The following NOP9 variants were observed in gnomAD, a reference collection of about 807,000 sequenced individuals.
NOP9 encodes the protein NOP9 nucleolar protein.
In NOP9, 50 loss-of-function variants were observed where a neutral mutation model predicts 63.0. The ratio of observed to expected loss-of-function variants is 0.79; its 90% confidence interval spans 0.63 to 1.00. NOP9 has a LOEUF of 1.00. Among genes scored for constraint, NOP9 ranks in the 50% least tolerant of loss-of-function variants. The pLI is 0.00. For synonymous variants in NOP9, 343 were observed against 332.8 expected (o/e 1.03, Z -0.33); for missense variants, 758 against 803.0 (o/e 0.94, Z 0.68).
At chr14:24,282,733 C>T in the NOP9 span, among the ~76,000 whole-genome samples, 1 of 152,188 alleles carries the variant, frequency 6.6e-6, no homozygotes, top group African/African-American at 2.4e-5. Context: ...TCCCAGCATT[C>T]CTCATGGGCT....
the NOP9 span, among the ~76,000 whole-genome samples, chr14:24,274,903 C>T: frequency 1.9e-3 from 225 of 118,834 alleles, no homozygotes; most frequent in African/African-American, 6.3e-3. Context: ...CCACCATGTC[C>T]GGCTTTTTTT....
the NOP9 span, among the ~76,000 whole-genome samples, chr14:24,284,769 G>A: frequency 6.6e-6 from 1 of 152,182 alleles, no homozygotes; most frequent in Admixed American, 6.5e-5. Context: ...GGTCGTGGGT[G>A]GGTAGGAGCC....
At chr14:24,303,485 T>C (rs1048965711) in intron 6 of NOP9, among the ~76,000 whole-genome samples, 6 of 151,832 alleles carry the variant, frequency 4.0e-5, no homozygotes, top group South Asian at 2.1e-4. Flanking sequence ...AGGCCAAATG[T>C]TATTTCACAG....
At chr14:24,299,706 G>A, upstream of NOP9, 1 of 470,474 alleles carries the variant, frequency 2.1e-6, no homozygotes, top group East Asian at 3.3e-5. Flanking sequence ...TAGGACCCGG[G>A]GCGATTCTGT....
In NOP9 at chr14:24,307,313, T is replaced by C; in HGVS notation, c.*2218T>C. On this transcript the variant is annotated 3_prime_UTR_variant, in exon 10 of 10. Coordinates refer to ENST00000267425, the MANE Select transcript of NOP9 (RefSeq NM_174913.3). ...CTGCTCCATCATCACAAGTTGCCAC[T>C]GTTGTGGAGCCCCTTGGCTACCCCT... is the stretch of plus-strand genomic sequence containing the variant. The C allele has an allele frequency of 6.5e-7, 1 of 1,549,248 alleles. No homozygotes were observed. The highest frequency in any genetic ancestry group is 2.3e-5 in the East Asian group (1 of 44,194).
At chr14:24,288,957 G>C in the NOP9 span, among the ~76,000 whole-genome samples, 1 of 151,828 alleles carries the variant, frequency 6.6e-6, no homozygotes, top group East Asian at 1.9e-4. Context: ...GGGACCACAG[G>C]TGCATTCCAC....
rs1397222509 is a variant in NOP9 at position 24,300,753 on chromosome 14, G to C, written c.593G>C (p.Cys198Ser). 6.2e-7 allele frequency: 1 copy of C among 1,614,200 alleles called. No homozygotes were observed. Among genetic ancestry groups the C allele is most frequent in the African/African-American group, 1.3e-5 (1 of 75,068 alleles). ...GTGTGTGATGATTTTCTTGTCTACT[G>C]TGGAGACACACATGGCAGCTTCGTG... ...AEVCDDFLVY[C>S]GDTHGSFVVR... is the part of the protein sequence containing the mutation. The change falls in exon 2 of 10, where the codon TGT becomes TCT. Residue 198 changes from cysteine to serine, a missense_variant. Cys to Ser is a moderately radical substitution (Grantham distance 112, BLOSUM62 -1). Transcript: ENST00000267425.
chr14:24,304,860 G>T, intron 9 of NOP9, 78 bp from the exon 10 acceptor site: 1 of 1,444,354 alleles, frequency 6.9e-7, no homozygotes, highest in African/African-American at 1.4e-5. Flanking sequence ...GGGTCTGGGG[G>T]AAATGGAGGG....
Position 24,305,082 on chromosome 14 carries a change from T to C in NOP9, c.1898T>C (p.Ile633Thr). 6.5e-7 allele frequency: 1 copy of C among 1,550,014 alleles called. No homozygotes were observed. Among genetic ancestry groups the C allele is most frequent in the Non-Finnish European group, 8.7e-7 (1 of 1,146,220 alleles). ...AAGCGGAGGCGGGCATTGAACTCCA[T>C]ACTTGAAGACTGAGGCTTTGGATCT... The part of the protein sequence containing the change: ...VAKRRRALNS[I>T]LED Residue 633 changes from isoleucine to threonine, a missense_variant, in exon 10 of 10, where the codon ATA (isoleucine) becomes ACA (threonine). Transcript: ENST00000267425.
At chr14:24,288,119 G>A in the NOP9 span, among the ~76,000 whole-genome samples, 1 of 152,132 alleles carries the variant, frequency 6.6e-6, no homozygotes, top group Non-Finnish European at 1.5e-5. Context: ...GGTTTCTTGG[G>A]ATACCAGGAC....
chr14:24,276,898 T>C, the NOP9 span, among the ~76,000 whole-genome samples: 1 of 152,160 alleles, frequency 6.6e-6, no homozygotes, highest in Admixed American at 6.5e-5. Flanking sequence ...TTTAAAACTC[T>C]CCCAGACACA....
upstream of NOP9, chr14:24,299,402 T>G: frequency 3.4e-6 from 1 of 297,842 alleles, no homozygotes; most frequent in Non-Finnish European, 6.3e-6. Flanking sequence ...GCTGCCTGGA[T>G]ATGGGAATCT....
Position 24,300,640 on chromosome 14 carries a change from T to C in NOP9, c.480T>C (p.Ala160=), listed in dbSNP as rs775388505. ...AGCTCCCTCGATTGCTGGGGAGTGC[T>C]GCAGAGGAGGAGGAGGAGGAGGAGG... ...LLQLPRLLGS[A]AEEEEEEEED... The change falls in exon 2 of 10, where the codon GCT becomes GCC. Residue 160 remains alanine, a synonymous_variant. Coordinates refer to ENST00000267425, the MANE Select transcript of NOP9 (RefSeq NM_174913.3). 1.8e-6 allele frequency: 2 copies of C among 1,135,944 alleles called. No homozygotes were observed. Among genetic ancestry groups the C allele is most frequent in the Non-Finnish European group, 2.6e-6 (2 of 768,302 alleles). 70.4% of individuals were successfully genotyped at this position (1,135,944 alleles called of 1,614,324 possible).
At chr14:24,276,455 TA>T in the NOP9 span, among the ~76,000 whole-genome samples, 5 of 151,184 alleles carry the variant, frequency 3.3e-5, no homozygotes, top group Admixed American at 6.6e-5. Flanking sequence ...CTGGCAAATT[TA>T]AAAAAAAATT....
the NOP9 span, among the ~76,000 whole-genome samples, chr14:24,274,656 G>A: frequency 6.8e-6 from 1 of 147,956 alleles, no homozygotes; most frequent in Non-Finnish European, 1.5e-5. Context: ...TGTCACCCAC[G>A]CTGGAGTAGT....
upstream of NOP9, chr14:24,298,917 G>A (rs775459252): frequency 6.4e-7 from 1 of 1,574,196 alleles, no homozygotes; most frequent in South Asian, 1.1e-5. Context: ...GGGCTCTCTC[G>A]GGTGGTTTCT....
the NOP9 span, among the ~76,000 whole-genome samples, chr14:24,284,045 G>A: frequency 0.012 from 1,759 of 152,354 alleles, 15 homozygotes; most frequent in Non-Finnish European, 0.015. Context: ...CAGGCAGGGA[G>A]TCAGGACACA....
chr14:24,309,033 C>T lies in NOP9; in HGVS notation c.*3938C>T, dbSNP rs1368670768. 7 of 152,386 alleles carry T rather than the reference C, an allele frequency of 4.6e-5. No homozygotes were observed. The East Asian group carries it at 1.3e-3, about 29-fold the overall frequency. The allele number at this position is 152,386 out of a possible 1,614,324, so 9.4% of individuals were successfully genotyped here. ...CTGACCCCCTTGTTTTGGATATACC[C>T]AGGTAGAACAACTCTCTCTCACTGT... is the stretch of plus-strand genomic sequence containing the variant. On this transcript the variant is annotated 3_prime_UTR_variant, in exon 10 of 10. Transcript: ENST00000267425.
the NOP9 span, among the ~76,000 whole-genome samples, chr14:24,276,274 G>T: frequency 7.3e-5 from 11 of 151,542 alleles, no homozygotes; most frequent in African/African-American, 2.7e-4. Flanking sequence ...CTACATGGGA[G>T]GCTGAGGCAG....
Sources: gnomAD v4.1 joint callset for allele counts (sites outside exome capture counted in the v4.1 genomes callset) on GRCh38, gnomAD v4.1.1 for gene constraint, MANE v1.5 for transcripts, NCBI Gene and HGNC (gene_info 2026-07-23, HGNC 2026-07-21) for gene names.